The following NARS2 variants were observed in gnomAD, a reference collection of about 807,000 sequenced individuals.
The protein encoded by NARS2 is asparaginyl-tRNA synthetase 2, mitochondrial.
NARS2 carries 60 observed loss-of-function variants against 62.9 expected under a neutral mutation model. The ratio of observed to expected loss-of-function variants is 0.95; its 90% CI spans 0.77 to 1.18. The LOEUF (loss-of-function observed/expected upper bound fraction) is 1.18, where lower values mean the gene tolerates loss of function less well. Among genes scored for constraint, NARS2 ranks in the 50% most tolerant of loss-of-function variants. The pLI is 0.00. For missense variants in NARS2, 619 were observed against 576.4 expected (o/e 1.07, Z -0.76); for synonymous variants, 196 against 200.0 (o/e 0.98, Z 0.17).
At position 78,459,516 on chromosome 11, in the gene NARS2, C is replaced by A. The variant is rs112903899; in HGVS notation, c.1164+6360G>T. On this transcript the variant is annotated intron_variant, in intron 11 of 13. Coordinates refer to ENST00000281038, the MANE Select transcript of NARS2 (RefSeq NM_024678.6). The stretch of plus-strand genomic sequence containing the variant: ...AATCCCCTGCCTCAGGTGATCCACC[C>A]GCCTCGGCCTCCCAAAGTGCTGGGA... Among the ~76,000 whole-genome samples the A allele has an allele frequency of 2.7e-3, 395 of 146,534 alleles. 13 individuals carry two copies. Among genetic ancestry groups the A allele is most frequent in the African/African-American group, 9.9e-3 (368 of 37,256 alleles).
Position 78,445,225 on chromosome 11 carries a change from A to T in NARS2, c.1165-1467T>A, listed in dbSNP as rs929517004. Among the ~76,000 whole-genome samples, 8 of 152,204 alleles carry T rather than the reference A, an allele frequency of 5.3e-5. No individual in the cohort carries two copies. In the South Asian group the frequency reaches 1.4e-3, roughly 28 times the overall value. ...TAATAGAAAACATCAAAAAACTCTT[A>T]GTAAGGGAAAATGATAGCTTAATAT... On this transcript the variant is annotated intron_variant, in intron 11 of 13. Coordinates refer to ENST00000281038, the MANE Select transcript of NARS2 (RefSeq NM_024678.6).
chr11:78,438,317 CACA>C (rs1361539731), intron 13 of NARS2, among the ~76,000 whole-genome samples: 1 of 152,052 alleles, frequency 6.6e-6, no homozygotes, highest in African/African-American at 2.4e-5. Flanking sequence ...TAATGGGAGG[CACA>C]TTCAGTTATT....
chr11:78,547,856 A>C (rs987785512), intron 5 of NARS2, among the ~76,000 whole-genome samples: 1 of 151,822 alleles, frequency 6.6e-6, no homozygotes, highest in African/African-American at 2.4e-5. Context: ...CCCTAAAAGG[A>C]ACTTACCATC....
intron 2 of NARS2, 125 bp downstream of exon 2, chr11:78,571,210 C>A: frequency 1.6e-6 from 1 of 622,562 alleles, no homozygotes; most frequent in Non-Finnish European, 2.9e-6. Flanking sequence ...ATCCTCAAAG[C>A]TATTAAAGCA....
At chr11:78,466,311 A>G (rs868244966) in intron 10 of NARS2, among the ~76,000 whole-genome samples, 2 of 149,936 alleles carry the variant, frequency 1.3e-5, no homozygotes, top group South Asian at 4.3e-4. Context: ...CTGCAGGAAA[A>G]CAAAGTCTAC....
At chr11:78,480,619 T>TA (rs10623671) in intron 7 of NARS2, among the ~76,000 whole-genome samples, 10,939 of 124,724 alleles carry the variant, frequency 0.088, 1,173 homozygotes, top group African/African-American at 0.25. Context: ...TCTAATTAAG[T>TA]AAAAAAAAAA....
intron 6 of NARS2, among the ~76,000 whole-genome samples, chr11:78,507,043 G>C (rs745502635): frequency 1.3e-5 from 2 of 152,102 alleles, no homozygotes; most frequent in African/African-American, 2.4e-5. Flanking sequence ...AGCTGAGTTG[G>C]AGAAAAAAGG....
chr11:78,486,012 T>C (rs1859558587), intron 7 of NARS2, among the ~76,000 whole-genome samples: 1 of 152,056 alleles, frequency 6.6e-6, no homozygotes. Context: ...GTAGCTCGGA[T>C]TACAGGCACA....
intron 7 of NARS2, among the ~76,000 whole-genome samples, chr11:78,483,446 AT>A (rs1483260008): frequency 6.6e-6 from 1 of 152,190 alleles, no homozygotes; most frequent in Non-Finnish European, 1.5e-5. Context: ...AGGAAGTCAA[AT>A]TGTCTCTGTT....
chr11:78,437,142 C>A (rs949675841), intron 13 of NARS2, among the ~76,000 whole-genome samples: 3 of 152,178 alleles, frequency 2.0e-5, no homozygotes, highest in Non-Finnish European at 4.4e-5. Context: ...TACTAATTTT[C>A]TTGAAAATAT....
At chr11:78,487,063 G>T (rs1859605362) in intron 7 of NARS2, among the ~76,000 whole-genome samples, 2 of 151,794 alleles carry the variant, frequency 1.3e-5, no homozygotes, top group Admixed American at 1.3e-4. Context: ...ATTACAGAAA[G>T]AAAAAATACT....
At position 78,518,400 on chromosome 11, in the gene NARS2, T is replaced by C. The variant is rs541352188; in HGVS notation, c.689+10442A>G. On this transcript the variant is annotated intron_variant, in intron 6 of 13. Coordinates refer to ENST00000281038, the MANE Select transcript of NARS2 (RefSeq NM_024678.6). ...TGCTTTACAAATTCAGTTTAACTAC[T>C]ACTTGCTAGTGATTATGAGGACATG... Among the ~76,000 whole-genome samples the C allele has an allele frequency of 1.2e-4, 18 of 152,374 alleles. No homozygotes were observed. In the South Asian group the frequency reaches 2.5e-3, roughly 21 times the overall value.
chr11:78,524,623 T>C (rs1231540576), intron 6 of NARS2, among the ~76,000 whole-genome samples: 1 of 152,052 alleles, frequency 6.6e-6, no homozygotes, highest in Non-Finnish European at 1.5e-5. Flanking sequence ...GGAATGAACT[T>C]ACCACTTATA....
intron 11 of NARS2, among the ~76,000 whole-genome samples, chr11:78,445,458 C>A (rs1857725520): frequency 6.6e-6 from 1 of 151,786 alleles, no homozygotes; most frequent in African/African-American, 2.4e-5. Context: ...CCCTCTCTGC[C>A]AAAAATACAA....
At chr11:78,545,782 C>T (rs528732280) in intron 5 of NARS2, among the ~76,000 whole-genome samples, 388 of 152,194 alleles carry the variant, frequency 2.5e-3, no homozygotes, top group Non-Finnish European at 4.4e-3. Flanking sequence ...GATATATACG[C>T]CTGCCTTGGC....
intron 9 of NARS2, among the ~76,000 whole-genome samples, chr11:78,475,381 A>C (rs1242703032): frequency 6.6e-6 from 1 of 152,174 alleles, no homozygotes; most frequent in Non-Finnish European, 1.5e-5. Flanking sequence ...AAGTGCAGAT[A>C]TCTCTTTGAC....
At chr11:78,568,818 T>C in intron 2 of NARS2, 66 bp from the exon 3 acceptor site, 1 of 1,304,848 alleles carries the variant, frequency 7.7e-7, no homozygotes, top group Non-Finnish European at 1.1e-6. Context: ...AATATCAACT[T>C]TGCAATAAGA....
intron 13 of NARS2, among the ~76,000 whole-genome samples, chr11:78,438,178 G>A (rs547547783): frequency 1.7e-4 from 26 of 152,060 alleles, no homozygotes; most frequent in African/African-American, 6.3e-4. Context: ...ATTGCAAGGA[G>A]TTAAGTCTAA....
chr11:78,544,711 G>A (rs892761130), intron 5 of NARS2, among the ~76,000 whole-genome samples: 7 of 149,676 alleles, frequency 4.7e-5, no homozygotes, highest in African/African-American at 9.9e-5. Flanking sequence ...GGAGAACGGC[G>A]TGAACCTGGG....
Sources: gnomAD v4.1 joint callset for allele counts (sites outside exome capture counted in the v4.1 genomes callset) on GRCh38, gnomAD v4.1.1 for gene constraint, MANE v1.5 for transcripts, NCBI Gene and HGNC (gene_info 2026-07-23, HGNC 2026-07-21) for gene names.